ZFHX3: variants seen among roughly 807,000 people sequenced by gnomAD.
The protein encoded by ZFHX3 is zinc finger homeobox 3.
Under a neutral mutation model 279.1 loss-of-function variants are expected in ZFHX3, and 42 were observed. The ratio of observed to expected loss-of-function variants is 0.15; its 90% CI spans 0.12 to 0.19. The LOEUF (loss-of-function observed/expected upper bound fraction) is 0.19, where lower values mean the gene tolerates loss of function less well. ZFHX3 is among the 10% of genes least tolerant of loss of function. ZFHX3 has a pLI of 1.00. For missense variants in ZFHX3, 4,981 were observed against 4,754.0 expected, an observed-to-expected ratio of 1.05 and a Z score of -1.40; for synonymous variants, 2,293 against 1,957.8, an observed-to-expected ratio of 1.17 and a Z score of -4.52.
intron 2 of ZFHX3, among the ~76,000 whole-genome samples, chr16:73,575,042 G>A: frequency 6.6e-6 from 1 of 152,144 alleles, no homozygotes; most frequent in East Asian, 1.9e-4. Flanking sequence ...ATGCCGTTTT[G>A]TGTGTTTGAT....
chr16:72,907,197 C>T (rs1328020709), intron 3 of ZFHX3, among the ~76,000 whole-genome samples: 1 of 152,114 alleles, frequency 6.6e-6, no homozygotes, highest in Non-Finnish European at 1.5e-5. Flanking sequence ...ACAAATCTTT[C>T]GATGACCTTT....
chr16:72,893,853 A>C (rs2144095714), intron 3 of ZFHX3, among the ~76,000 whole-genome samples: 1 of 152,308 alleles, frequency 6.6e-6, no homozygotes, highest in South Asian at 2.1e-4. Context: ...AAAACACTTA[A>C]AAAAATCCAG....
chr16:73,540,616 A>G lies in ZFHX3; in HGVS notation c.-1546-84358T>C, dbSNP rs543829283. Among the ~76,000 whole-genome samples, 246 of 152,334 alleles carry G rather than the reference A, an allele frequency of 1.6e-3. 1 individual carries two copies. The highest frequency in any genetic ancestry group is 5.6e-3 in the African/African-American group (234 of 41,576). On this transcript the variant is annotated intron_variant, in intron 2 of 17. Coordinates refer to the ZFHX3 transcript ENST00000641206. ...CCCTGGCTCCTAAGAAGTTGCATAC[A>G]CAGTTTCCTTTGACTTTTTCAAGTA...
At chr16:73,213,864 C>T (rs2012105098) in intron 5 of ZFHX3, among the ~76,000 whole-genome samples, 1 of 152,174 alleles carries the variant, frequency 6.6e-6, no homozygotes, top group Non-Finnish European at 1.5e-5. Context: ...TCTCAGTTTT[C>T]AGAAGATGGC....
intron 7 of ZFHX3, among the ~76,000 whole-genome samples, chr16:73,096,435 C>G (rs987424888): frequency 6.6e-6 from 1 of 151,630 alleles, no homozygotes; most frequent in Non-Finnish European, 1.5e-5. Context: ...CAGAGTCTCA[C>G]TCTGTCACCC....
At chr16:73,733,008 C>T (rs80280065) in intron 1 of ZFHX3, among the ~76,000 whole-genome samples, 1 of 152,098 alleles carries the variant, frequency 6.6e-6, no homozygotes. Flanking sequence ...AGATCTACAG[C>T]AGTTTATTTA....
At chr16:72,936,980 G>A (rs545918889) in intron 3 of ZFHX3, among the ~76,000 whole-genome samples, 1 of 152,282 alleles carries the variant, frequency 6.6e-6, no homozygotes, top group African/African-American at 2.4e-5. Context: ...TTTGGCTGTA[G>A]GGGAGCAAAA....
At position 73,409,217 on chromosome 16, in the gene ZFHX3, C is replaced by T. The variant is rs112614174; in HGVS notation, c.-1291+46786G>A. ...AATAAGCCAGGAGAAAATGTCCTGA[C>T]CTTTAAAAGCTTAGGGTTCCCTGGA... On this transcript the variant is annotated intron_variant, in intron 3 of 17. Transcript: ENST00000641206. Among the ~76,000 whole-genome samples the T allele has an allele frequency of 8.3e-3, 1,271 of 152,254 alleles. 21 individuals carry two copies. The highest frequency in any genetic ancestry group is 0.029 in the African/African-American group (1,204 of 41,542).
chr16:73,237,277 A>T (rs2012978769), intron 5 of ZFHX3, among the ~76,000 whole-genome samples: 1 of 152,128 alleles, frequency 6.6e-6, no homozygotes, highest in Non-Finnish European at 1.5e-5. Flanking sequence ...TTCTTTAGAG[A>T]TAGGGTCTTG....
At chr16:73,367,703 C>T (rs1198774267) in intron 3 of ZFHX3, among the ~76,000 whole-genome samples, 2 of 152,136 alleles carry the variant, frequency 1.3e-5, no homozygotes, top group African/African-American at 2.4e-5. Context: ...GTCAAATCAA[C>T]GGTATCCTCT....
intron 2 of ZFHX3, among the ~76,000 whole-genome samples, chr16:73,490,873 T>C (rs1339877388): frequency 6.6e-6 from 1 of 152,096 alleles, no homozygotes; most frequent in Non-Finnish European, 1.5e-5. Context: ...GCCTCTCCAA[T>C]GAAACTAAGA....
intron 4 of ZFHX3, among the ~76,000 whole-genome samples, chr16:72,860,201 C>CA (rs2037850335): frequency 6.6e-6 from 1 of 152,086 alleles, no homozygotes; most frequent in Non-Finnish European, 1.5e-5. Flanking sequence ...GAGGAAAACA[C>CA]AGAGCCCCCT....
At position 72,785,062 on chromosome 16, in the gene ZFHX3, A is replaced by AACAT. The variant is rs1193107645; in HGVS notation, c.*2098_*2101dup. 1.3e-5 allele frequency: 2 copies of AACAT among 151,226 alleles called. No individual in the cohort carries two copies. The highest frequency in any genetic ancestry group is 4.8e-5 in the African/African-American group (2 of 41,440). 9.4% of individuals were successfully genotyped at this position (151,226 alleles called of 1,614,324 possible). A position where few individuals can be genotyped will look rare whatever the true frequency, so the allele number is the denominator to read the frequency against. On this transcript the variant is annotated 3_prime_UTR_variant, in exon 10 of 10. Transcript: ENST00000268489. ...CACAGTCTTCAAAGTTCCCTTTTGA[A>AACAT]ACATAAGGAAGAAAACGAAGGGAAG... is the stretch of plus-strand genomic sequence containing the variant.
In ZFHX3 at chr16:73,863,603, C is replaced by G. The variant is rs10500576; in HGVS notation, c.-1608+28048G>C. ...CTGCTTAAGTTCTGCTGATCATCTT[C>G]TGCATTCTCAAGTTATTTTACATGG... On this transcript the variant is annotated intron_variant, in intron 1 of 17. Coordinates refer to the ZFHX3 transcript ENST00000641206. Among the ~76,000 whole-genome samples the G allele has an allele frequency of 6.2e-3, 946 of 152,320 alleles. 2 individuals carry two copies. The highest frequency in any genetic ancestry group is 0.01 in the Middle Eastern group (3 of 294).
At chr16:73,835,613 G>A (rs1330046825) in intron 1 of ZFHX3, among the ~76,000 whole-genome samples, 2 of 151,668 alleles carry the variant, frequency 1.3e-5, no homozygotes, top group Non-Finnish European at 2.9e-5. Context: ...TGGGATTACA[G>A]GCACCCGCCA....
intron 1 of ZFHX3, among the ~76,000 whole-genome samples, chr16:73,802,824 T>C (rs548359216): frequency 1.3e-5 from 2 of 152,332 alleles, no homozygotes; most frequent in South Asian, 4.1e-4. Context: ...GATTTCTTTT[T>C]GTTTTTGTTT....
chr16:72,877,550 T>G (rs1473123072), intron 4 of ZFHX3, among the ~76,000 whole-genome samples: 1 of 152,216 alleles, frequency 6.6e-6, no homozygotes, highest in East Asian at 1.9e-4. Flanking sequence ...CACAGTAAGT[T>G]TCTCATTCTT....
At chr16:73,868,502 C>A (rs1214727283) in intron 1 of ZFHX3, among the ~76,000 whole-genome samples, 1 of 152,222 alleles carries the variant, frequency 6.6e-6, no homozygotes, top group Non-Finnish European at 1.5e-5. Context: ...CCAGCCTGGG[C>A]AACAGAGCAG....
At chr16:73,784,816 T>TATATATATACAC (rs1555501460) in intron 1 of ZFHX3, among the ~76,000 whole-genome samples, 1 of 135,510 alleles carries the variant, frequency 7.4e-6, no homozygotes, top group African/African-American at 2.9e-5. Flanking sequence ...TATATATATA[T>TATATATATACAC]ACACACACAC....
Sources: allele counts gnomAD v4.1 joint callset (sites outside exome capture counted in the v4.1 genomes callset), GRCh38; gene constraint gnomAD v4.1.1; transcripts MANE v1.5; gene names NCBI Gene and HGNC (gene_info 2026-07-23, HGNC 2026-07-21).